ISLR2: variants seen among roughly 807,000 people sequenced by gnomAD.
The protein encoded by ISLR2 is immunoglobulin superfamily containing leucine rich repeat 2, also known as immunoglobulin superfamily containing leucine-rich repeat protein 2.
A neutral mutation model predicts 25.5 loss-of-function variants in ISLR2; 16 were observed. The ratio of observed to expected loss-of-function variants is 0.63; its 90% confidence interval spans 0.43 to 0.95. ISLR2 has a LOEUF of 0.95. Ranked by LOEUF, ISLR2 falls within the 40% of genes least tolerant of loss-of-function variation. ISLR2 has a pLI of 0.00. For missense variants in ISLR2, 883 were observed against 1,030.7 expected (o/e 0.86, Z 1.96); for synonymous variants, 508 against 486.6 (o/e 1.04, Z -0.58).
chr15:74,132,696 TG>T lies in ISLR2; in HGVS notation c.-8-47del. The T allele has an allele frequency of 1.9e-6, 3 of 1,565,678 alleles. No homozygotes were observed. Among genetic ancestry groups the T allele is most frequent in the Admixed American group, 3.6e-5 (2 of 55,958 alleles). Reference sequence around the variant, plus strand: ...GCACAGCTTGATAGGGGAGGTAAGCTGGGGTTCAGTGAGTCACCTTCTTTCT... The same window carrying T: ...GCACAGCTTGATAGGGGAGGTAAGCTGGGTTCAGTGAGTCACCTTCTTTCT... On this transcript the variant is annotated intron_variant, in intron 2 of 2. Coordinates refer to ENST00000453268, the MANE Select transcript of ISLR2 (RefSeq NM_020851.3). The surrounding 1 kb of genome is among the most constrained non-coding windows in gnomAD (Gnocchi z 4.3).
Position 74,134,258 on chromosome 15 carries a change from C to A in ISLR2, c.1504C>A (p.Leu502Met). The A allele has an allele frequency of 6.4e-7, 1 of 1,566,614 alleles. No homozygotes were observed. The highest frequency in any genetic ancestry group is 1.2e-5 in the South Asian group (1 of 85,714). Residue 502 changes from leucine (L) to methionine (M), a missense_variant, in exon 3 of 3, where the codon CTG becomes ATG. Around this residue, in one of 2 missense-constraint regions of ISLR2, gnomAD observed 612 missense variants for 642.8 expected, o/e 0.95. Coordinates refer to ENST00000453268, the MANE Select transcript of ISLR2 (RefSeq NM_020851.3). ...GGCGGAGCGCGAGGCGCGGGTGCAG[C>A]TGACTCCGCTGGCTGCGCGCTGGGG... ...DVAEREARVQ[L>M]TPLAARWGPG... is the part of the protein sequence containing the mutation.
chr15:74,114,848 A>G (rs139545085), intron 2 of ISLR2, among the ~76,000 whole-genome samples: 117 of 152,280 alleles, frequency 7.7e-4, no homozygotes, highest in African/African-American at 2.7e-3. Context: ...ACAGGCTCCA[A>G]TGCAGGGAGG....
At position 74,107,954 on chromosome 15, in the gene ISLR2, G is replaced by A. The variant is rs183927461; in HGVS notation, n.228+4040G>A. Among the ~76,000 whole-genome samples, 15 of 152,246 alleles carry A rather than the reference G, an allele frequency of 9.9e-5. No individual in the cohort carries two copies. The East Asian group carries it at 1.5e-3, about 16-fold the overall frequency. ...GGCCCCACCCACCTCACAGGCAGAG[G>A]GAGGCTTCACAAGGAGGTTGAGGTA... is the stretch of plus-strand genomic sequence containing the variant. On this transcript the variant is annotated intron_variant and non_coding_transcript_variant, in intron 2 of 3. Coordinates refer to the ISLR2 transcript ENST00000561975.
upstream of ISLR2, chr15:74,127,955 C>G: frequency 6.1e-6 from 1 of 163,414 alleles, no homozygotes; most frequent in Non-Finnish European, 1.3e-5. Flanking sequence ...ATCTGGGACC[C>G]TCTGCGCTAG....
chr15:74,130,001 C>G (rs1463833447), upstream of ISLR2: 1 of 152,128 alleles, frequency 6.6e-6, no homozygotes, highest in Admixed American at 6.5e-5. Flanking sequence ...AGAGAGCTTC[C>G]CCCTGCTCCA....
chr15:74,114,833 C>A (rs919154029), intron 2 of ISLR2, among the ~76,000 whole-genome samples: 1 of 152,044 alleles, frequency 6.6e-6, no homozygotes, highest in African/African-American at 2.4e-5. Context: ...CTGCCGGAAG[C>A]ACTTACAGGC....
upstream of ISLR2, chr15:74,128,211 C>T (rs1192558087): frequency 2.8e-5 from 9 of 318,206 alleles, no homozygotes; most frequent in Non-Finnish European, 4.8e-5. Context: ...CCAGAAGTCG[C>T]GGCTCCCACC....
rs2072214895 is a variant in ISLR2, at chr15:74,116,835, C to T, written n.228+12921C>T. Among the ~76,000 whole-genome samples, 5 of 152,258 alleles carry T rather than the reference C, an allele frequency of 3.3e-5. No individual in the cohort carries two copies. The South Asian group carries it at 6.2e-4, about 19-fold the overall frequency. ...ATTCCACCTGGAATACTGCATTGCT[C>T]CTGGAAGTGGGAAGAGGGAGTTTCA... On this transcript the variant is annotated intron_variant and non_coding_transcript_variant, in intron 2 of 3. Coordinates refer to the ISLR2 transcript ENST00000561975.
rs1484278964 is a variant in ISLR2 at position 74,135,115 on chromosome 15, CT to C, written c.*124del. 8.4e-7 allele frequency: 1 copy of C among 1,193,412 alleles called. No individual in the cohort carries two copies. The highest frequency in any genetic ancestry group is 1.2e-6 in the Non-Finnish European group (1 of 850,750). 73.9% of individuals were successfully genotyped at this position (1,193,412 alleles called of 1,614,324 possible). On this transcript the variant is annotated 3_prime_UTR_variant, in exon 3 of 3. Transcript: ENST00000453268. Reference sequence around the variant, plus strand: ...CTTCACCTACTCCTCCCCCTTACTACTCCCCAACCTTGACTACCAGGGACTT... The same window carrying C: ...CTTCACCTACTCCTCCCCCTTACTACCCCCAACCTTGACTACCAGGGACTT...
upstream of ISLR2, among the ~76,000 whole-genome samples, chr15:74,125,090 T>C (rs1353086383): frequency 2.0e-5 from 3 of 152,176 alleles, no homozygotes; most frequent in Admixed American, 2.0e-4. Context: ...CCCTTTACCA[T>C]GGCAAGTCCT....
intron 2 of ISLR2, among the ~76,000 whole-genome samples, chr15:74,112,825 G>GC (rs2072179780): frequency 8.0e-6 from 1 of 125,780 alleles, no homozygotes; most frequent in Non-Finnish European, 1.7e-5. Flanking sequence ...ACTGTGCCCG[G>GC]CCCTTTTTTT....
At chr15:74,129,067 G>C (rs2072347882), upstream of ISLR2, 1 of 456,480 alleles carries the variant, frequency 2.2e-6, no homozygotes, top group Non-Finnish European at 4.4e-6. The surrounding 1 kb of genome is among the most constrained non-coding windows in gnomAD (Gnocchi z 4.5). Flanking sequence ...CACCTTCCCT[G>C]AAAGGCGCCT....
downstream of ISLR2, among the ~76,000 whole-genome samples, chr15:74,139,161 G>C (rs1361826434): frequency 6.6e-6 from 1 of 152,136 alleles, no homozygotes; most frequent in African/African-American, 2.4e-5. Flanking sequence ...GCTAGACCTT[G>C]TGCCTTCTGG....
At chr15:74,140,795 A>T (rs2072607112), downstream of ISLR2, among the ~76,000 whole-genome samples, 3 of 152,370 alleles carry the variant, frequency 2.0e-5, no homozygotes, top group East Asian at 5.8e-4. Flanking sequence ...TTCATTGATT[A>T]CATTTGAAAT....
At position 74,134,732 on chromosome 15, in the gene ISLR2, G is replaced by T; in HGVS notation, c.1978G>T (p.Ala660Ser). The T allele has an allele frequency of 3.1e-6, 5 of 1,614,020 alleles. No individual in the cohort carries two copies. The highest frequency in any genetic ancestry group is 4.2e-6 in the Non-Finnish European group (5 of 1,179,958). ...CCTCGAGTCCGAGAAAAGCTACCCGGCAGGCGGCGAGGCGGGCGGCGAGGA... is the reference window on the plus strand; with the variant it reads ...CCTCGAGTCCGAGAAAAGCTACCCGTCAGGCGGCGAGGCGGGCGGCGAGGA... ...SYLESEKSYPAGGEAGGEEPE... is the reference protein window; with the variant it reads ...SYLESEKSYPSGGEAGGEEPE... Residue 660 changes from alanine to serine, a missense_variant, in exon 3 of 3, where the codon GCA (alanine) becomes TCA (serine). Transcript: ENST00000453268.
At chr15:74,114,227 A>G (rs1014672227) in intron 2 of ISLR2, among the ~76,000 whole-genome samples, 2 of 152,204 alleles carry the variant, frequency 1.3e-5, no homozygotes, top group African/African-American at 2.4e-5. Context: ...TTCTTCATGT[A>G]CTTTGTCCAG....
downstream of ISLR2, among the ~76,000 whole-genome samples, chr15:74,141,561 T>G (rs1275417749): frequency 6.6e-6 from 1 of 152,222 alleles, no homozygotes; most frequent in Non-Finnish European, 1.5e-5. Flanking sequence ...GTATAAATAC[T>G]AATAATACCA....
At chr15:74,112,021 A>G (rs2072172020) in intron 2 of ISLR2, among the ~76,000 whole-genome samples, 1 of 152,256 alleles carries the variant, frequency 6.6e-6, no homozygotes, top group Non-Finnish European at 1.5e-5. Context: ...AGTGAAGAGT[A>G]CATGAAACCT....
Position 74,132,635 on chromosome 15 carries a change from G to C in ISLR2, c.-8-112G>C. 1 of 1,400,626 alleles carries C rather than the reference G, an allele frequency of 7.1e-7. No homozygotes were observed. The highest frequency in any genetic ancestry group is 9.4e-7 in the Non-Finnish European group (1 of 1,060,420). The allele number at this position is 1,400,626 out of a possible 1,614,324, so 86.8% of individuals were successfully genotyped here. A position where few individuals can be genotyped will look rare whatever the true frequency, so the allele number is the denominator to read the frequency against. Reference sequence around the variant, plus strand: ...GCTCCTGGCCATAGAGGAGGTTACCGGAGCCCTGGAACTAGTGCTAAACGG... The same window carrying C: ...GCTCCTGGCCATAGAGGAGGTTACCCGAGCCCTGGAACTAGTGCTAAACGG... On this transcript the variant is annotated intron_variant, in intron 2 of 2. Transcript: ENST00000453268. This position sits in a 1 kb window ranked among gnomAD's most constrained non-coding sequence, Gnocchi z 4.3.
Sources: gnomAD v4.1 joint callset for allele counts (sites outside exome capture counted in the v4.1 genomes callset) on GRCh38, gnomAD v4.1.1 for gene constraint, gnomAD v4.1.1 regional missense constraint, Gnocchi (gnomAD v3.1) non-coding constraint, MANE v1.5 for transcripts, NCBI Gene and HGNC (gene_info 2026-07-23, HGNC 2026-07-21) for gene names.